The following CSMD1 variants were observed in gnomAD, a reference collection of about 807,000 sequenced individuals.
CSMD1 encodes CUB and Sushi multiple domains 1, also known as CUB and sushi domain-containing protein 1.
In CSMD1, 213 loss-of-function variants were observed where a neutral mutation model predicts 417.5. The observed-to-expected ratio is 0.51, with a 90% CI of 0.46 to 0.57. The LOEUF is 0.57. CSMD1 is among the 20% of genes least tolerant of loss of function. The pLI is 0.00. For synonymous variants in CSMD1, 2,862 were observed against 1,736.8 expected (o/e 1.65, Z -16.11); for missense variants, 6,923 against 4,529.7 (o/e 1.53, Z -15.17).
chr8:3,104,347 T>C (rs893258027), intron 46 of CSMD1, among the ~76,000 whole-genome samples: 1 of 152,168 alleles, frequency 6.6e-6, no homozygotes, highest in Non-Finnish European at 1.5e-5. Flanking sequence ...TTGGATCTCC[T>C]GACTTTGCAC....
intron 3 of CSMD1, among the ~76,000 whole-genome samples, chr8:4,101,093 A>T (rs956466423): frequency 3.3e-5 from 5 of 152,180 alleles, no homozygotes; most frequent in Admixed American, 2.6e-4. Context: ...AGAACTATGC[A>T]TCTACCGGTT....
intron 3 of CSMD1, among the ~76,000 whole-genome samples, chr8:4,208,684 G>T (rs1002746871): frequency 4.6e-5 from 7 of 152,118 alleles, no homozygotes; most frequent in African/African-American, 1.7e-4. Flanking sequence ...ACATCATGAT[G>T]AGTCAAGAAA....
intron 5 of CSMD1, among the ~76,000 whole-genome samples, chr8:3,826,767 A>G (rs78316266): frequency 0.067 from 10,138 of 151,846 alleles, 758 homozygotes; most frequent in African/African-American, 0.18. Flanking sequence ...ATAAGCATTG[A>G]ACATATTTTT....
chr8:4,988,486 A>G (rs1014277835), intron 1 of CSMD1, among the ~76,000 whole-genome samples: 2 of 152,222 alleles, frequency 1.3e-5, no homozygotes, highest in Non-Finnish European at 2.9e-5. Flanking sequence ...TCATTCCCCA[A>G]AGAAATTTTA....
At chr8:3,870,566 C>A (rs764076589) in intron 5 of CSMD1, among the ~76,000 whole-genome samples, 4 of 152,138 alleles carry the variant, frequency 2.6e-5, no homozygotes, top group African/African-American at 4.8e-5. Context: ...CCATTTCTCT[C>A]CAACTATTTG....
At chr8:3,700,889 T>A (rs765473408) in intron 7 of CSMD1, among the ~76,000 whole-genome samples, 1 of 152,088 alleles carries the variant, frequency 6.6e-6, no homozygotes, top group African/African-American at 2.4e-5. Flanking sequence ...AGGAAGGATG[T>A]GGTTCTACTG....
chr8:3,030,585 T>G (rs896330691), intron 50 of CSMD1, among the ~76,000 whole-genome samples: 4 of 151,990 alleles, frequency 2.6e-5, no homozygotes, highest in Non-Finnish European at 5.9e-5. Context: ...CAAGCGATTC[T>G]CCTGCCTCAG....
intron 3 of CSMD1, among the ~76,000 whole-genome samples, chr8:4,315,665 G>C (rs538457332): frequency 1.3e-5 from 2 of 152,224 alleles, no homozygotes; most frequent in South Asian, 4.1e-4. Flanking sequence ...GTTTACATCA[G>C]CATAAATATG....
chr8:4,955,242 T>A (rs950185505), intron 1 of CSMD1, among the ~76,000 whole-genome samples: 1 of 152,206 alleles, frequency 6.6e-6, no homozygotes, highest in African/African-American at 2.4e-5. Context: ...TTGCAATGCA[T>A]CTTTGAAACA....
intron 3 of CSMD1, among the ~76,000 whole-genome samples, chr8:4,130,109 A>C (rs898464180): frequency 6.6e-6 from 1 of 152,058 alleles, no homozygotes; most frequent in Non-Finnish European, 1.5e-5. Context: ...CTGCTCCATC[A>C]CCATGGAGTC....
At chr8:4,735,706 C>A (rs1402352403) in intron 1 of CSMD1, among the ~76,000 whole-genome samples, 1 of 152,148 alleles carries the variant, frequency 6.6e-6, no homozygotes, top group South Asian at 2.1e-4. Context: ...CATCTTCTTG[C>A]TTTTATCTCC....
intron 1 of CSMD1, among the ~76,000 whole-genome samples, chr8:4,908,534 T>G (rs1383286569): frequency 1.2e-5 from 1 of 86,302 alleles, no homozygotes; most frequent in African/African-American, 3.4e-5. Flanking sequence ...TTCTCTTCTG[T>G]TTTTTTTCTT....
intron 4 of CSMD1, among the ~76,000 whole-genome samples, chr8:4,001,353 G>A (rs1187352139): frequency 1.3e-5 from 2 of 152,170 alleles, no homozygotes; most frequent in Non-Finnish European, 2.9e-5. Context: ...CCACCCTGCA[G>A]CCATTAGCCC....
intron 63 of CSMD1, 123 bp downstream of exon 63, chr8:2,957,573 T>A (rs1397717569): frequency 4.4e-6 from 3 of 674,182 alleles, no homozygotes; most frequent in Non-Finnish European, 7.7e-6. Flanking sequence ...TTTGAGGACA[T>A]CCGAAAATTT....
intron 10 of CSMD1, 128 bp from the exon 11 acceptor site, chr8:3,493,854 G>C (rs780915173): frequency 3.2e-6 from 2 of 634,854 alleles, no homozygotes; most frequent in Non-Finnish European, 5.5e-6. Context: ...TGATCCCAGA[G>C]CTGCTTTAAG....
chr8:4,123,571 T>A (rs1254186693), intron 3 of CSMD1, among the ~76,000 whole-genome samples: 1 of 152,222 alleles, frequency 6.6e-6, no homozygotes, highest in Non-Finnish European at 1.5e-5. Context: ...AGTGAGGAAA[T>A]TCAACGTTAA....
At chr8:3,240,444 G>T (rs1431204163) in intron 26 of CSMD1, among the ~76,000 whole-genome samples, 1 of 151,776 alleles carries the variant, frequency 6.6e-6, no homozygotes, top group African/African-American at 2.4e-5. Flanking sequence ...TGTTTTATAG[G>T]TGTTGGGGTT....
intron 62 of CSMD1, among the ~76,000 whole-genome samples, chr8:2,959,635 G>T (rs899022608): frequency 3.9e-5 from 6 of 152,082 alleles, no homozygotes; most frequent in African/African-American, 1.2e-4. Context: ...GGGTTTCGGG[G>T]ACACGCTGGC....
At chr8:4,305,517 G>A (rs888418565) in intron 3 of CSMD1, among the ~76,000 whole-genome samples, 4 of 152,138 alleles carry the variant, frequency 2.6e-5, no homozygotes, top group East Asian at 1.9e-4. Flanking sequence ...AGGGCAGAGC[G>A]GTGTCACAGA....
Sources: allele counts gnomAD v4.1 joint callset (sites outside exome capture counted in the v4.1 genomes callset), GRCh38; gene constraint gnomAD v4.1.1; transcripts MANE v1.5; gene names NCBI Gene and HGNC (gene_info 2026-07-23, HGNC 2026-07-21).